STRAP: variants seen among roughly 807,000 people sequenced by gnomAD.
STRAP encodes the protein serine/threonine kinase receptor associated protein.
In STRAP, 16 loss-of-function variants were observed where a neutral mutation model predicts 47.0. The ratio of observed to expected loss-of-function variants is 0.34; its 90% CI spans 0.23 to 0.52. The LOEUF (loss-of-function observed/expected upper bound fraction) is 0.52. Ranked by LOEUF, STRAP falls within the 20% of genes least tolerant of loss-of-function variation. The pLI, the probability that STRAP is intolerant of heterozygous loss-of-function variation, is 0.96. For missense variants in STRAP, 293 were observed against 420.0 expected (o/e 0.70, Z 2.64); for synonymous variants, 130 against 142.7 (o/e 0.91, Z 0.63).
rs1329797242 is a variant in STRAP at position 15,892,748 on chromosome 12, T to A, written c.404-1299T>A. ...AGAAGTTTTTTTCTCCTTTCTTTTT[T>A]GATAAATCTATGCCAAAACATAGCA... On this transcript the variant is annotated intron_variant, in intron 4 of 9. Transcript: ENST00000419869. Among the ~76,000 whole-genome samples, 2 of 152,342 alleles carry A rather than the reference T, an allele frequency of 1.3e-5. 1 individual carries two copies. The highest frequency in any genetic ancestry group is 4.1e-4 in the South Asian group (2 of 4,830).
In STRAP at chr12:15,903,119, A is replaced by G; in HGVS notation, c.*141A>G. On this transcript the variant is annotated 3_prime_UTR_variant, in exon 10 of 10. Transcript: ENST00000419869. ...AAAATGAATTAGCTCCAGTGCTGGA[A>G]CAACTAACTAACTTGGTGTTACCTG... The G allele has an allele frequency of 1.2e-6, 1 of 869,136 alleles. No homozygotes were observed. The highest frequency in any genetic ancestry group is 2.8e-5 in the South Asian group (1 of 35,706). 53.8% of individuals were successfully genotyped at this position (869,136 alleles called of 1,614,324 possible).
At position 15,882,858 on chromosome 12, in the gene STRAP, C is replaced by T. The variant is rs773338495; in HGVS notation, c.112+39C>T. The T allele has an allele frequency of 6.4e-5, 102 of 1,581,580 alleles. 3 individuals carry two copies. The South Asian group carries it at 1.1e-3, about 17-fold the overall frequency. ...CAATCCTGGTCCTCGACGGCTGGGA[C>T]TGGGCTGAAAGGGATCGGGACCCGC... On this transcript the variant is annotated intron_variant, in intron 1 of 9. Coordinates refer to ENST00000419869, the MANE Select transcript of STRAP (RefSeq NM_007178.4).
In STRAP at chr12:15,900,052, T is replaced by C. The variant is rs781098945; in HGVS notation, c.924T>C (p.Pro308=). ...KTYGLWKCVL[P]EEDSGELAKP... is the part of the protein sequence containing the mutation. ...ATGGCCTTTGGAAATGTGTGCTTCCTGGTAAGAATTTTTATTCAGAATAAT... is the reference window on the plus strand; with the variant it reads ...ATGGCCTTTGGAAATGTGTGCTTCCCGGTAAGAATTTTTATTCAGAATAAT... Residue 308 remains proline, a splice_region_variant and synonymous_variant, in exon 8 of 10, where the codon CCT becomes CCC. Transcript: ENST00000419869. 6 of 1,604,830 alleles carry C rather than the reference T, an allele frequency of 3.7e-6. No individual in the cohort carries two copies. In the East Asian group the frequency reaches 1.3e-4, roughly 36 times the overall value.
chr12:15,901,151 T>C (rs74063294), intron 9 of STRAP, 139 bp downstream of exon 9: 1 of 553,374 alleles, frequency 1.8e-6, no homozygotes, highest in Admixed American at 3.9e-5. Flanking sequence ...TATTTATGCA[T>C]GTATATATAC....
In STRAP at chr12:15,882,614, G is replaced by C; in HGVS notation, c.-94G>C. The C allele has an allele frequency of 9.5e-7, 1 of 1,056,026 alleles. No homozygotes were observed. Among genetic ancestry groups the C allele is most frequent in the African/African-American group, 1.6e-5 (1 of 63,718 alleles). 65.4% of individuals were successfully genotyped at this position (1,056,026 alleles called of 1,614,324 possible). A position where few individuals can be genotyped will look rare whatever the true frequency, so the allele number is the denominator to read the frequency against. Reference sequence around the variant, plus strand: ...CCAGCCCAGCCCTAGTGTCAGGGCGGGGGCCTGGAGCAGCCCGAGGCACTG... The same window carrying C: ...CCAGCCCAGCCCTAGTGTCAGGGCGCGGGCCTGGAGCAGCCCGAGGCACTG... On this transcript the variant is annotated 5_prime_UTR_variant, in exon 1 of 10. Coordinates refer to ENST00000419869, the MANE Select transcript of STRAP (RefSeq NM_007178.4).
At chr12:15,898,087 T>TA in intron 7 of STRAP, 69 bp downstream of exon 7, 10 of 1,319,894 alleles carry the variant, frequency 7.6e-6, no homozygotes, top group East Asian at 5.5e-5. Context: ...TAACACCTCA[T>TA]TTATATATAT....
At chr12:15,899,351 T>C (rs970526255) in intron 7 of STRAP, among the ~76,000 whole-genome samples, 1 of 152,216 alleles carries the variant, frequency 6.6e-6, no homozygotes, top group Admixed American at 6.5e-5. Flanking sequence ...GTGCTCCTAA[T>C]CTATACATTT....
chr12:15,885,623 G>C (rs917822918), intron 2 of STRAP, among the ~76,000 whole-genome samples: 3 of 151,630 alleles, frequency 2.0e-5, no homozygotes, highest in African/African-American at 7.3e-5. Context: ...TGGCAGATAC[G>C]TGACTGTATG....
chr12:15,894,510 T>C lies in STRAP; in HGVS notation c.500+367T>C, dbSNP rs1048808275. ...AATATTTTACCTTAGAGCTTATATT[T>C]TAAATACATTTAATATTATGTGTGA... On this transcript the variant is annotated intron_variant, in intron 5 of 9. Coordinates refer to ENST00000419869, the MANE Select transcript of STRAP (RefSeq NM_007178.4). The surrounding 1 kb of genome is among the most constrained non-coding windows in gnomAD (Gnocchi z 4.9). Among the ~76,000 whole-genome samples the C allele has an allele frequency of 2.6e-5, 4 of 152,204 alleles. No homozygotes were observed. Among genetic ancestry groups the C allele is most frequent in the Admixed American group, 6.5e-5 (1 of 15,280 alleles).
At position 15,890,795 on chromosome 12, in the gene STRAP, C is replaced by T. The variant is rs1056580909; in HGVS notation, c.403+126C>T. The T allele has an allele frequency of 2.7e-6, 2 of 751,450 alleles. No individual in the cohort carries two copies. The highest frequency in any genetic ancestry group is 1.8e-5 in the African/African-American group (1 of 55,072). The allele number at this position is 751,450 out of a possible 1,614,324, so 46.5% of individuals were successfully genotyped here. A position where few individuals can be genotyped will look rare whatever the true frequency, so the allele number is the denominator to read the frequency against. ...ATAGTCATGGCCGGGCACGGTGGCT[C>T]ATACCTGTAATCCTAGCACTTTGGG... On this transcript the variant is annotated intron_variant, in intron 4 of 9. Coordinates refer to ENST00000419869, the MANE Select transcript of STRAP (RefSeq NM_007178.4). The surrounding 1 kb of genome is among the most constrained non-coding windows in gnomAD (Gnocchi z 4.5).
chr12:15,899,956 T>C lies in STRAP; in HGVS notation c.828T>C (p.Asp276=). 3.1e-6 allele frequency: 5 copies of C among 1,613,698 alleles called. No individual in the cohort carries two copies. Among genetic ancestry groups the C allele is most frequent in the Non-Finnish European group, 4.2e-6 (5 of 1,179,764 alleles). ...TTCACTGTGTGAGATTTAGTCCTGA[T>C]GGAGAACTCTATGCCAGTGGTTCAG... is the stretch of plus-strand genomic sequence containing the variant. The part of the protein sequence containing the change: ...GPIHCVRFSP[D]GELYASGSED... Residue 276 remains aspartate, a synonymous_variant, in exon 8 of 10, where the codon GAT becomes GAC. Coordinates refer to ENST00000419869, the MANE Select transcript of STRAP (RefSeq NM_007178.4).
chr12:15,882,903 G>T (rs1256553073), intron 1 of STRAP, 84 bp downstream of exon 1: 7 of 1,449,722 alleles, frequency 4.8e-6, no homozygotes, highest in Non-Finnish European at 6.6e-6. Flanking sequence ...TGCCGAAGCG[G>T]TGGTGTGGTG....
chr12:15,895,406 A>G lies in STRAP; in HGVS notation c.548A>G (p.Asn183Ser), dbSNP rs140234137. 4.4e-6 allele frequency: 7 copies of G among 1,598,064 alleles called. No homozygotes were observed. The highest frequency in any genetic ancestry group is 4.3e-6 in the Non-Finnish European group (5 of 1,175,740). Reference protein sequence around the residue: ...TMTEVKSLNFNMSVSSMEYIP... With the variant: ...TMTEVKSLNFSMSVSSMEYIP... Reference sequence around the variant, plus strand: ...ACAGAAGTGAAATCTCTAAATTTTAATATGTCTGTTAGTAGTATGGAATAT... The same window carrying G: ...ACAGAAGTGAAATCTCTAAATTTTAGTATGTCTGTTAGTAGTATGGAATAT... The change falls in exon 6 of 10, where the codon AAT (asparagine) becomes AGT (serine). Residue 183 changes from asparagine (N) to serine (S), a missense_variant. Around this residue, in one of 5 missense-constraint regions of STRAP, gnomAD observed 152 missense variants for 183.0 expected, o/e 0.83. Coordinates refer to ENST00000419869, the MANE Select transcript of STRAP (RefSeq NM_007178.4).
intron 4 of STRAP, among the ~76,000 whole-genome samples, chr12:15,892,499 T>A (rs1462779070): frequency 6.6e-6 from 1 of 152,178 alleles, no homozygotes; most frequent in Non-Finnish European, 1.5e-5. Context: ...TCAGATTTTA[T>A]TATGTGGACA....
intron 9 of STRAP, among the ~76,000 whole-genome samples, chr12:15,901,979 G>GGTTTT (rs143764583): frequency 0.088 from 13,291 of 151,642 alleles, 1,920 homozygotes; most frequent in African/African-American, 0.3. Flanking sequence ...TGATCATGTA[G>GGTTTT]GTTTTGTTTT....
Position 15,890,695 on chromosome 12 carries a change from C to G in STRAP, c.403+26C>G, listed in dbSNP as rs1471424. ...GTAAGCATAATTTAAACATCAGCTT[C>G]TAGTTTTATTTTCTTTTAATTTAAA... On this transcript the variant is annotated intron_variant, in intron 4 of 9. Transcript: ENST00000419869. The surrounding 1 kb of genome is among the most constrained non-coding windows in gnomAD (Gnocchi z 4.5). 0.013 allele frequency: 20,786 copies of G among 1,550,030 alleles called. 2,017 individuals are homozygous for G. The African/African-American group carries it at 0.23, about 17-fold the overall frequency.
chr12:15,897,765 TTGAGTAAA>T, intron 6 of STRAP, 109 bp from the exon 7 acceptor site: 1 of 674,530 alleles, frequency 1.5e-6, no homozygotes. Flanking sequence ...GTGTTTATGT[TTGAGTAAA>T]TGAGTATTTA....
intron 1 of STRAP, 86 bp downstream of exon 1, chr12:15,882,905 G>A (rs1482042682): frequency 2.9e-5 from 42 of 1,425,834 alleles, no homozygotes; most frequent in East Asian, 4.9e-5. Context: ...CCGAAGCGGT[G>A]GTGTGGTGAG....
chr12:15,888,106 CT>C (rs138829757), intron 2 of STRAP, among the ~76,000 whole-genome samples: 2,035 of 152,198 alleles, frequency 0.013, 43 homozygotes, highest in African/African-American at 0.046. Context: ...AAGTGGAGTT[CT>C]GTGGGAGAAC....
Sources: gnomAD v4.1 joint callset for allele counts (sites outside exome capture counted in the v4.1 genomes callset) on GRCh38, gnomAD v4.1.1 for gene constraint, gnomAD v4.1.1 regional missense constraint, Gnocchi (gnomAD v3.1) non-coding constraint, MANE v1.5 for transcripts, NCBI Gene and HGNC (gene_info 2026-07-23, HGNC 2026-07-21) for gene names.